RABGEF1: variants seen among roughly 807,000 people sequenced by gnomAD.
RABGEF1 encodes the protein rab5 GDP/GTP exchange factor.
Under a neutral mutation model 57.3 loss-of-function variants are expected in RABGEF1, and 26 were observed. The observed-to-expected ratio is 0.45, with a 90% CI of 0.33 to 0.63. RABGEF1 has a LOEUF of 0.63. Ranked by LOEUF, RABGEF1 falls within the 20% of genes least tolerant of loss-of-function variation. The pLI is 0.02. For missense variants in RABGEF1, 464 were observed against 607.6 expected (o/e 0.76, Z 2.48); for synonymous variants, 185 against 210.7 (o/e 0.88, Z 1.06).
At chr7:66,730,239 G>A (rs1295553649) in intron 2 of RABGEF1, among the ~76,000 whole-genome samples, 2 of 152,156 alleles carry the variant, frequency 1.3e-5, no homozygotes, top group African/African-American at 4.8e-5. Context: ...CAGACCACCT[G>A]GGAGCATTTC....
intron 1 of RABGEF1, among the ~76,000 whole-genome samples, chr7:66,762,793 T>G (rs1435498784): frequency 6.6e-6 from 1 of 151,842 alleles, no homozygotes; most frequent in Non-Finnish European, 1.5e-5. Flanking sequence ...AGATGAGGGT[T>G]GGGTAGGCTG....
intron 3 of RABGEF1, among the ~76,000 whole-genome samples, chr7:66,776,555 C>T (rs958833730): frequency 6.6e-6 from 1 of 152,096 alleles, no homozygotes; most frequent in Non-Finnish European, 1.5e-5. Flanking sequence ...CATCCAGGCA[C>T]AGTGGCATGT....
At chr7:66,693,434 G>A (rs1415449251) in intron 1 of RABGEF1, among the ~76,000 whole-genome samples, 2 of 152,250 alleles carry the variant, frequency 1.3e-5, no homozygotes, top group East Asian at 3.9e-4. Context: ...CTGGCTCAGG[G>A]TGAGAAGGTA....
intron 3 of RABGEF1, among the ~76,000 whole-genome samples, chr7:66,778,736 T>C (rs1334962892): frequency 2.6e-5 from 4 of 152,124 alleles, no homozygotes; most frequent in African/African-American, 9.7e-5. Context: ...CCCTTCAATA[T>C]TTTGGGGACA....
rs189340977 is a variant in RABGEF1, at chr7:66,706,921, A to G, written c.-872-5246A>G. Among the ~76,000 whole-genome samples, 6 of 150,638 alleles carry G rather than the reference A, an allele frequency of 4.0e-5. No individual in the cohort carries two copies. In the East Asian group the frequency reaches 7.9e-4, roughly 20 times the overall value. On this transcript the variant is annotated intron_variant and NMD_transcript_variant, in intron 1 of 9. Transcript: ENST00000607882. ...CTCAGCCTCCCGAGTAGCTGGGACT[A>G]CAGGCGCCCACGACCACGCCTGGCT...
intron 1 of RABGEF1, among the ~76,000 whole-genome samples, chr7:66,752,828 T>A (rs1801748764): frequency 6.6e-6 from 1 of 152,328 alleles, no homozygotes; most frequent in African/African-American, 2.4e-5. Context: ...GTTAGTTGTT[T>A]GCTGTTTAAT....
In RABGEF1 at chr7:66,763,811, A is replaced by C. The variant is rs199602650; in HGVS notation, c.-17-8072A>C. Among the ~76,000 whole-genome samples the C allele has an allele frequency of 5.1e-4, 77 of 152,334 alleles. 1 individual carries two copies. In the East Asian group the frequency reaches 0.013, roughly 26 times the overall value. ...TCACCATGTTGTAGCATATATCAGC[A>C]CTTCATTCCTTTTTATGACCAAGTA... On this transcript the variant is annotated intron_variant, in intron 1 of 8. Coordinates refer to ENST00000284957, the MANE Select transcript of RABGEF1 (RefSeq NM_014504.3).
chr7:66,799,057 GCATTT>G (rs1309796128), intron 6 of RABGEF1, among the ~76,000 whole-genome samples: 1 of 152,242 alleles, frequency 6.6e-6, no homozygotes, highest in Admixed American at 6.5e-5. Flanking sequence ...GATACTGAGT[GCATTT>G]CAGTCTTGGT....
chr7:66,685,855 T>A (rs961098349), intron 1 of RABGEF1, among the ~76,000 whole-genome samples: 3 of 152,198 alleles, frequency 2.0e-5, no homozygotes, highest in African/African-American at 7.2e-5. Context: ...TGGGGTTTTA[T>A]TGGCTGCAGA....
At chr7:66,695,407 AAG>A (rs1443774789) in intron 1 of RABGEF1, among the ~76,000 whole-genome samples, 1 of 152,112 alleles carries the variant, frequency 6.6e-6, no homozygotes, top group East Asian at 1.9e-4. Context: ...AAGGCTCTGG[AAG>A]AGAGGCAGGA....
chr7:66,656,626 C>T, the RABGEF1 span, among the ~76,000 whole-genome samples: 3 of 151,910 alleles, frequency 2.0e-5, no homozygotes, highest in African/African-American at 7.3e-5. Context: ...TTGAGACCAG[C>T]CTGAGCAACA....
intron 3 of RABGEF1, among the ~76,000 whole-genome samples, chr7:66,778,894 TCACCTAA>T (rs1016755020): frequency 6.6e-6 from 1 of 152,154 alleles, no homozygotes; most frequent in African/African-American, 2.4e-5. Flanking sequence ...GGCAGGCAGA[TCACCTAA>T]GGTTGGGAGT....
chr7:66,700,527 G>A (rs1269726448), intron 1 of RABGEF1, among the ~76,000 whole-genome samples: 1 of 152,156 alleles, frequency 6.6e-6, no homozygotes, highest in Non-Finnish European at 1.5e-5. Flanking sequence ...AGTTGGGGGA[G>A]GGGACTTAGT....
chr7:66,680,524 G>A (rs1457965202), upstream of RABGEF1, among the ~76,000 whole-genome samples: 2 of 151,920 alleles, frequency 1.3e-5, no homozygotes, highest in Non-Finnish European at 2.9e-5. Context: ...GATTACAGGC[G>A]TGAGCCACCG....
chr7:66,692,115 C>A (rs1429143811), intron 1 of RABGEF1, among the ~76,000 whole-genome samples: 3 of 152,166 alleles, frequency 2.0e-5, no homozygotes, highest in Non-Finnish European at 4.4e-5. Context: ...AAATTTGTTT[C>A]ATTTCTGCAG....
chr7:66,803,975 C>T (rs1787875049), intron 7 of RABGEF1, among the ~76,000 whole-genome samples: 1 of 151,988 alleles, frequency 6.6e-6, no homozygotes, highest in Non-Finnish European at 1.5e-5. Context: ...TTGCTTGATC[C>T]CCTCTGCCAA....
chr7:66,706,787 T>G (rs201725781), intron 1 of RABGEF1, among the ~76,000 whole-genome samples: 6,163 of 147,492 alleles, frequency 0.042, 194 homozygotes, highest in East Asian at 0.078. Flanking sequence ...GGTTTTTTTT[T>G]TTTTTTTTTT....
At chr7:66,740,852 G>C (rs1798746117) in intron 1 of RABGEF1, 60 bp downstream of exon 1, 1 of 152,226 alleles carries the variant, frequency 6.6e-6, no homozygotes, top group Non-Finnish European at 1.5e-5. Flanking sequence ...GGAGCGGGGC[G>C]GCGGGGCGTC....
At chr7:66,765,736 C>T (rs1420995478) in intron 1 of RABGEF1, among the ~76,000 whole-genome samples, 1 of 152,104 alleles carries the variant, frequency 6.6e-6, no homozygotes, top group African/African-American at 2.4e-5. Context: ...GTCCCATTTC[C>T]AAAACTCGAA....
Sources: allele counts gnomAD v4.1 joint callset (sites outside exome capture counted in the v4.1 genomes callset), GRCh38; gene constraint gnomAD v4.1.1; transcripts MANE v1.5; gene names NCBI Gene and HGNC (gene_info 2026-07-23, HGNC 2026-07-21).